SOX5: variants seen among roughly 807,000 people sequenced by gnomAD.
The protein encoded by SOX5 is SRY-box transcription factor 5.
Under a neutral mutation model 92.0 loss-of-function variants are expected in SOX5, and 9 were observed. That is an observed-to-expected ratio of 0.10 (90% CI 0.06 to 0.17). The LOEUF is 0.17. Ranked by LOEUF, SOX5 falls within the 10% of genes least tolerant of loss-of-function variation. The probability of loss-of-function intolerance (pLI) is 1.00; values close to 1 mark genes in which losing one functional copy is unlikely to be tolerated. For synonymous variants in SOX5, 344 were observed against 336.3 expected (o/e 1.02, Z -0.25); for missense variants, 642 against 944.5 (o/e 0.68, Z 4.20).
intron 1 of SOX5, among the ~76,000 whole-genome samples, chr12:24,395,244 C>A (rs952116646): frequency 1.3e-5 from 2 of 150,574 alleles, no homozygotes; most frequent in Non-Finnish European, 1.5e-5. Context: ...GAACACAGAT[C>A]TATTAAAAAA....
At position 23,799,447 on chromosome 12, in the gene SOX5, C is replaced by T. The variant is rs117985670; in HGVS notation, c.482-43723G>A. Among the ~76,000 whole-genome samples the T allele has an allele frequency of 7.2e-5, 11 of 152,002 alleles. No individual in the cohort carries two copies. The East Asian group carries it at 1.2e-3, about 16-fold the overall frequency. Reference sequence around the variant, plus strand: ...TCATTCTAAGATGCTTGATGTGTTTCGGGACAAAAATATTGTAGGCACACC... The same window carrying T: ...TCATTCTAAGATGCTTGATGTGTTTTGGGACAAAAATATTGTAGGCACACC... On this transcript the variant is annotated intron_variant, in intron 3 of 14. Transcript: ENST00000451604.
At chr12:24,510,041 A>C (rs958957563) in intron 1 of SOX5, among the ~76,000 whole-genome samples, 8 of 152,244 alleles carry the variant, frequency 5.3e-5, no homozygotes, top group African/African-American at 1.7e-4. Context: ...CAGTTTTAAA[A>C]ACAAATAAGA....
intron 1 of SOX5, among the ~76,000 whole-genome samples, chr12:23,908,250 C>G (rs1275610430): frequency 6.6e-6 from 1 of 152,032 alleles, no homozygotes; most frequent in Non-Finnish European, 1.5e-5. Flanking sequence ...AAGAAAACCT[C>G]CAGAGAATGC....
rs1267356522 is a variant in SOX5 at position 23,712,330 on chromosome 12, G to A, written c.810+22354C>T. Among the ~76,000 whole-genome samples, 4 of 152,212 alleles carry A rather than the reference G, an allele frequency of 2.6e-5. No individual in the cohort carries two copies. In the East Asian group the frequency reaches 7.7e-4, roughly 29 times the overall value. Reference sequence around the variant, plus strand: ...GAGTAATGGAAAACATGTAAACCTGGTATATTAAAATTTCTTAGTGATGAA... The same window carrying A: ...GAGTAATGGAAAACATGTAAACCTGATATATTAAAATTTCTTAGTGATGAA... On this transcript the variant is annotated intron_variant, in intron 6 of 14. Coordinates refer to ENST00000451604, the MANE Select transcript of SOX5 (RefSeq NM_006940.6).
intron 4 of SOX5, among the ~76,000 whole-genome samples, chr12:24,009,722 G>C (rs1310679424): frequency 6.6e-6 from 1 of 152,120 alleles, no homozygotes; most frequent in Non-Finnish European, 1.5e-5. Flanking sequence ...GTGGTATTTA[G>C]TCAAGAATAT....
chr12:24,118,349 A>G (rs114478688), intron 4 of SOX5, among the ~76,000 whole-genome samples: 1 of 152,184 alleles, frequency 6.6e-6, no homozygotes, highest in East Asian at 1.9e-4. Flanking sequence ...ACATTGAAAC[A>G]TCACATTGTA....
intron 4 of SOX5, among the ~76,000 whole-genome samples, chr12:24,196,131 T>C (rs1032637054): frequency 6.6e-6 from 1 of 152,226 alleles, no homozygotes; most frequent in Non-Finnish European, 1.5e-5. Context: ...GTGATCCGCC[T>C]GCATCAGCCT....
chr12:23,901,135 C>A (rs2097227150), intron 1 of SOX5, among the ~76,000 whole-genome samples: 1 of 152,082 alleles, frequency 6.6e-6, no homozygotes, highest in South Asian at 2.1e-4. Flanking sequence ...CCAAAGAAAT[C>A]ATAAACACCC....
chr12:24,407,702 A>G (rs34928830), intron 1 of SOX5: 15,360 of 152,264 alleles, frequency 0.1, 892 homozygotes, highest in Middle Eastern at 0.18. Context: ...AATACAGTAT[A>G]TATACTACTA....
chr12:23,612,915 G>T (rs1228627039), intron 8 of SOX5, among the ~76,000 whole-genome samples: 1 of 152,156 alleles, frequency 6.6e-6, no homozygotes, highest in Non-Finnish European at 1.5e-5. Context: ...AGTTTAAAGA[G>T]AAACTAATGT....
intron 6 of SOX5, among the ~76,000 whole-genome samples, chr12:23,702,125 C>T (rs535458318): frequency 2.6e-5 from 4 of 151,930 alleles, no homozygotes; most frequent in African/African-American, 4.8e-5. Flanking sequence ...CTGTTTTAAG[C>T]GTAATAATAT....
chr12:23,613,362 C>T (rs1280946229), intron 8 of SOX5, among the ~76,000 whole-genome samples: 1 of 148,630 alleles, frequency 6.7e-6, no homozygotes, highest in African/African-American at 2.5e-5. Flanking sequence ...CAGAAAGTAA[C>T]AAATGCTGGC....
At chr12:24,443,233 G>A (rs1057329437) in intron 1 of SOX5, among the ~76,000 whole-genome samples, 1 of 152,134 alleles carries the variant, frequency 6.6e-6, no homozygotes, top group African/African-American at 2.4e-5. Flanking sequence ...GATCACAGGC[G>A]TGAGCCACCA....
At chr12:24,012,470 T>A (rs1459750989) in intron 4 of SOX5, among the ~76,000 whole-genome samples, 1 of 151,990 alleles carries the variant, frequency 6.6e-6, no homozygotes, top group Non-Finnish European at 1.5e-5. Context: ...TGGATTTGAA[T>A]TTTTTTTCAA....
intron 3 of SOX5, among the ~76,000 whole-genome samples, chr12:24,260,456 T>G (rs1159526098): frequency 6.6e-6 from 1 of 152,208 alleles, no homozygotes; most frequent in African/African-American, 2.4e-5. Context: ...GAGCATGTAA[T>G]AAATGTTAGC....
chr12:23,770,323 C>G (rs957798974), intron 3 of SOX5, among the ~76,000 whole-genome samples: 1 of 149,906 alleles, frequency 6.7e-6, no homozygotes, highest in Non-Finnish European at 1.5e-5. Context: ...ACTCAATTAA[C>G]AAAAAGAAAA....
At position 23,534,336 on chromosome 12, in the gene SOX5, CTCT is replaced by C; in HGVS notation, c.2172_2174del (p.Glu725del). On this transcript the variant is annotated inframe_deletion, in exon 15 of 15. Transcript: ENST00000451604. ...CTCCATTGATGTCCTCGGCCTGTATCTCTTCTTTGATATGTGGCTCCTCTCCTT... is the reference window on the plus strand; with the variant it reads ...CTCCATTGATGTCCTCGGCCTGTATCTCTTTGATATGTGGCTCCTCTCCTT... The C allele has an allele frequency of 3.7e-6, 6 of 1,614,164 alleles. No individual in the cohort carries two copies. Among genetic ancestry groups the C allele is most frequent in the Non-Finnish European group, 5.1e-6 (6 of 1,180,030 alleles).
At chr12:23,765,269 T>G (rs772421521) in intron 3 of SOX5, among the ~76,000 whole-genome samples, 20 of 150,858 alleles carry the variant, frequency 1.3e-4, no homozygotes, top group Admixed American at 1.3e-3. Flanking sequence ...AATACAACAG[T>G]TTTATTTGCA....
intron 4 of SOX5, among the ~76,000 whole-genome samples, chr12:24,036,354 ATACT>A (rs1569513701): frequency 6.6e-6 from 1 of 152,118 alleles, no homozygotes; most frequent in Non-Finnish European, 1.5e-5. Flanking sequence ...TTCCAACACT[ATACT>A]TACTTAACAG....
Sources: allele counts gnomAD v4.1 joint callset (sites outside exome capture counted in the v4.1 genomes callset), GRCh38; gene constraint gnomAD v4.1.1; transcripts MANE v1.5; gene names NCBI Gene and HGNC (gene_info 2026-07-23, HGNC 2026-07-21).